The following FTCDNL1 variants were observed in gnomAD, a reference collection of about 807,000 sequenced individuals.
FTCDNL1 encodes the protein formiminotransferase N-terminal subdomain-containing protein.
A neutral mutation model predicts 5.9 loss-of-function variants in FTCDNL1; 11 were observed. That is an observed-to-expected ratio of 1.87 (90% CI 1.18 to 3.10). FTCDNL1 has a LOEUF of 3.10. FTCDNL1 is among the 30% of genes most tolerant of loss of function. The probability of loss-of-function intolerance (pLI) is 0.00; values close to 1 mark genes in which losing one functional copy is unlikely to be tolerated. For synonymous variants in FTCDNL1, 58 were observed against 24.8 expected, an observed-to-expected ratio of 2.34 and a Z score of -3.99; for missense variants, 115 against 65.5, an observed-to-expected ratio of 1.76 and a Z score of -2.61.
At chr2:199,723,684 A>T in the FTCDNL1 span, among the ~76,000 whole-genome samples, 3 of 152,098 alleles carry the variant, frequency 2.0e-5, no homozygotes, top group African/African-American at 7.2e-5. Flanking sequence ...GATGAATTAC[A>T]TTTGTTAGTG....
At chr2:199,841,689 A>C (rs1016539964) in intron 3 of FTCDNL1, among the ~76,000 whole-genome samples, 3 of 151,946 alleles carry the variant, frequency 2.0e-5, no homozygotes, top group Admixed American at 6.6e-5. Context: ...CTTTCCCTCA[A>C]ACCTCCTTTC....
chr2:199,663,901 T>C, the FTCDNL1 span, among the ~76,000 whole-genome samples: 1 of 152,154 alleles, frequency 6.6e-6, no homozygotes, highest in African/African-American at 2.4e-5. Context: ...TTTTTCATTG[T>C]ATCGATATAA....
the FTCDNL1 span, among the ~76,000 whole-genome samples, chr2:199,692,886 C>G: frequency 6.6e-6 from 1 of 152,178 alleles, no homozygotes; most frequent in Admixed American, 6.5e-5. Context: ...TTGTTAAAAA[C>G]CAAACAAACT....
the FTCDNL1 span, among the ~76,000 whole-genome samples, chr2:199,753,945 C>T: frequency 1.3e-5 from 2 of 152,188 alleles, no homozygotes; most frequent in African/African-American, 2.4e-5. Context: ...AAGAAAACTA[C>T]ATTAATGAGT....
the FTCDNL1 span, among the ~76,000 whole-genome samples, chr2:199,751,743 C>T: frequency 0.011 from 1,641 of 148,208 alleles, 31 homozygotes; most frequent in African/African-American, 0.037. Context: ...AAGTGTTCCG[C>T]GAGGTAACAG....
the FTCDNL1 span, among the ~76,000 whole-genome samples, chr2:199,695,978 C>A: frequency 6.6e-6 from 1 of 152,218 alleles, no homozygotes; most frequent in East Asian, 1.9e-4. Context: ...TGGGGTTCTG[C>A]CTGGCTGCAC....
the FTCDNL1 span, among the ~76,000 whole-genome samples, chr2:199,743,085 T>A: frequency 6.6e-6 from 1 of 152,144 alleles, no homozygotes; most frequent in Non-Finnish European, 1.5e-5. Context: ...CCTAGGGCAA[T>A]GGGAATATCA....
At chr2:199,841,686 T>C (rs1201780634) in intron 3 of FTCDNL1, among the ~76,000 whole-genome samples, 1 of 152,120 alleles carries the variant, frequency 6.6e-6, no homozygotes, top group Admixed American at 6.5e-5. Context: ...GCTCTTTCCC[T>C]CAAACCTCCT....
chr2:199,806,202 T>C (rs1700715563), downstream of FTCDNL1, among the ~76,000 whole-genome samples: 1 of 152,142 alleles, frequency 6.6e-6, no homozygotes, highest in Non-Finnish European at 1.5e-5. Flanking sequence ...TCTAATTGTT[T>C]TATCTATGAA....
chr2:199,700,060 C>A, the FTCDNL1 span, among the ~76,000 whole-genome samples: 1 of 152,000 alleles, frequency 6.6e-6, no homozygotes, highest in Non-Finnish European at 1.5e-5. Flanking sequence ...AGAAGTCAGG[C>A]AAGAGAAACA....
the FTCDNL1 span, among the ~76,000 whole-genome samples, chr2:199,689,482 T>C: frequency 6.6e-6 from 1 of 152,300 alleles, no homozygotes; most frequent in East Asian, 1.9e-4. Flanking sequence ...CCCAGATGCC[T>C]ACCTGTTTTT....
intron 3 of FTCDNL1, among the ~76,000 whole-genome samples, chr2:199,773,379 C>G (rs1698906918): frequency 6.6e-6 from 1 of 152,156 alleles, no homozygotes; most frequent in Non-Finnish European, 1.5e-5. Context: ...CTTTACCTCC[C>G]TAGGTATCAG....
chr2:199,790,520 G>C (rs1699871430), intron 3 of FTCDNL1, among the ~76,000 whole-genome samples: 1 of 149,670 alleles, frequency 6.7e-6, no homozygotes, highest in South Asian at 2.1e-4. Flanking sequence ...AAAAGTGTCA[G>C]AGTTGATATA....
At chr2:199,682,131 G>C in the FTCDNL1 span, among the ~76,000 whole-genome samples, 1 of 152,134 alleles carries the variant, frequency 6.6e-6, no homozygotes, top group Non-Finnish European at 1.5e-5. Flanking sequence ...GTTATTTTTA[G>C]ATGAGATTAA....
chr2:199,780,772 T>C (rs753808199), intron 3 of FTCDNL1, among the ~76,000 whole-genome samples: 5 of 152,164 alleles, frequency 3.3e-5, no homozygotes. Flanking sequence ...CCACAGCAAA[T>C]TGTCTTGTTG....
chr2:199,808,219 A>G (rs988082429), downstream of FTCDNL1, among the ~76,000 whole-genome samples: 3 of 152,174 alleles, frequency 2.0e-5, no homozygotes, highest in African/African-American at 7.2e-5. Flanking sequence ...CCATGAGCCA[A>G]TTACATCTCT....
intron 3 of FTCDNL1, among the ~76,000 whole-genome samples, chr2:199,793,791 A>G (rs1700047389): frequency 6.6e-6 from 1 of 152,188 alleles, no homozygotes; most frequent in Non-Finnish European, 1.5e-5. Flanking sequence ...ATGTGAATCC[A>G]CTAAAAAGTA....
chr2:199,705,645 T>A, the FTCDNL1 span, among the ~76,000 whole-genome samples: 4 of 152,338 alleles, frequency 2.6e-5, no homozygotes, highest in East Asian at 7.7e-4. Context: ...GACAGTGTAC[T>A]TACTGCCTTG....
chr2:199,841,953 C>A (rs2076599459), intron 3 of FTCDNL1, among the ~76,000 whole-genome samples: 1 of 152,126 alleles, frequency 6.6e-6, no homozygotes, highest in African/African-American at 2.4e-5. Context: ...ACCCTTCAAC[C>A]TAACATCTAA....
Sources: gnomAD v4.1 joint callset for allele counts (sites outside exome capture counted in the v4.1 genomes callset) on GRCh38, gnomAD v4.1.1 for gene constraint, MANE v1.5 for transcripts, NCBI Gene and HGNC (gene_info 2026-07-23, HGNC 2026-07-21) for gene names.